TPM4: variants seen among roughly 807,000 people sequenced by gnomAD.
TPM4 encodes the protein tropomyosin 4, also known as tropomyosin alpha-4 chain.
Under a neutral mutation model 35.8 loss-of-function variants are expected in TPM4, and 17 were observed. The observed-to-expected ratio is 0.47, with a 90% CI of 0.32 to 0.71. The LOEUF (loss-of-function observed/expected upper bound fraction) is 0.71. TPM4 is among the 30% of genes least tolerant of loss of function. TPM4 has a pLI of 0.03. For synonymous variants in TPM4, 120 were observed against 122.9 expected, an observed-to-expected ratio of 0.98 and a Z score of 0.15; for missense variants, 240 against 320.9, an observed-to-expected ratio of 0.75 and a Z score of 1.93.
upstream of TPM4, chr19:16,076,262 A>G (rs2090403938): frequency 6.5e-7 from 1 of 1,533,784 alleles, no homozygotes; most frequent in Admixed American, 2.3e-5. Flanking sequence ...GGGAGGAGGA[A>G]GAGGAGGAGG....
At chr19:16,093,641 C>T in intron 6 of TPM4, 43 bp downstream of exon 6, 1 of 1,614,206 alleles carries the variant, frequency 6.2e-7, no homozygotes, top group African/African-American at 1.3e-5. Context: ...TCTCCTGGGG[C>T]TGGTCTTGAA....
chr19:16,077,414 C>G (rs1323238639), intron 1 of TPM4: 1 of 152,186 alleles, frequency 6.6e-6, no homozygotes, highest in Non-Finnish European at 1.5e-5. Flanking sequence ...GCCCTGAACC[C>G]ACGATCGTTT....
At chr19:16,100,968 G>C (rs1462503885) in intron 7 of TPM4, 2 of 222,000 alleles carry the variant, frequency 9.0e-6, no homozygotes, top group African/African-American at 4.7e-5. Context: ...TCAAGAGCTC[G>C]AGACCAGCCT....
intron 1 of TPM4, chr19:16,081,204 C>T: frequency 2.5e-6 from 1 of 396,620 alleles, no homozygotes; most frequent in Non-Finnish European, 4.4e-6. Flanking sequence ...TTCTAAGAAT[C>T]TCACAGTGAG....
chr19:16,082,380 G>A (rs755258934), intron 2 of TPM4, among the ~76,000 whole-genome samples: 5 of 152,116 alleles, frequency 3.3e-5, no homozygotes, highest in Non-Finnish European at 5.9e-5. Context: ...CCATGGTGGC[G>A]GGCACCTGTA....
upstream of TPM4, among the ~76,000 whole-genome samples, chr19:16,073,179 A>AAAAAAC (rs1174132024): frequency 2.0e-5 from 3 of 152,144 alleles, no homozygotes; most frequent in South Asian, 2.1e-4. Context: ...TCCTATCTCA[A>AAAAAAC]AAAAACAAAA....
At chr19:16,101,238 T>C in intron 7 of TPM4, 26 bp from the exon 8 acceptor site, 2 of 1,531,390 alleles carry the variant, frequency 1.3e-6, no homozygotes, top group Non-Finnish European at 1.8e-6. Context: ...TAATTTATCT[T>C]TCCCCATACT....
In TPM4 at chr19:16,085,838, G is replaced by A. The variant is rs888210100; in HGVS notation, c.267-585G>A. Among the ~76,000 whole-genome samples the A allele has an allele frequency of 9.2e-5, 14 of 152,048 alleles. 1 individual carries two copies. The highest frequency in any genetic ancestry group is 2.4e-4 in the African/African-American group (10 of 41,394). ...AATCCCAGCACTCTGGGAGGTCAAG[G>A]CGGGCAGATCACTTGAGGTCAGGAG... On this transcript the variant is annotated intron_variant, in intron 2 of 7. Coordinates refer to ENST00000643579, the MANE Select transcript of TPM4 (RefSeq NM_003290.3).
intron 1 of TPM4, chr19:16,081,395 C>G (rs950586045): frequency 5.7e-6 from 1 of 175,430 alleles, no homozygotes; most frequent in Non-Finnish European, 1.0e-5. Flanking sequence ...CTGGGACACT[C>G]GCTTTTTTTT....
chr19:16,096,225 G>A (rs2090694339), intron 7 of TPM4, among the ~76,000 whole-genome samples: 1 of 152,004 alleles, frequency 6.6e-6, no homozygotes, highest in Admixed American at 6.6e-5. Flanking sequence ...CATCACGCCT[G>A]GCCATTTTTG....
rs1470921944 is a variant in TPM4 at position 16,086,610 on chromosome 19, C to T, written c.384+70C>T. On this transcript the variant is annotated intron_variant, in intron 3 of 7. Coordinates refer to ENST00000643579, the MANE Select transcript of TPM4 (RefSeq NM_003290.3). ...AATGCATCTGCTGAGATAGGGAGGA[C>T]ACCGGGGCCAACGAAAGGAAGCTCT... The T allele has an allele frequency of 8.2e-6, 11 of 1,339,748 alleles. No homozygotes were observed. In the East Asian group the frequency reaches 9.4e-5, roughly 11 times the overall value. 83.0% of individuals were successfully genotyped at this position (1,339,748 alleles called of 1,614,324 possible).
chr19:16,070,137 A>G lies in TPM4; in HGVS notation c.114+2399A>G, dbSNP rs1305388610. ...GGGGGTGTCCCTGCTAAAAGCCTGG[A>G]GGCCGGGGCAGGTGGGCTGCCCGTG... On this transcript the variant is annotated intron_variant, in intron 2 of 2. Coordinates refer to the TPM4 transcript ENST00000589897. The surrounding 1 kb of genome is among the most constrained non-coding windows in gnomAD (Gnocchi z 7.4). Among the ~76,000 whole-genome samples, 1 of 152,064 alleles carries G rather than the reference A, an allele frequency of 6.6e-6. No homozygotes were observed. The highest frequency in any genetic ancestry group is 1.5e-5 in the Non-Finnish European group (1 of 67,990).
At chr19:16,085,469 G>A (rs1039621222) in intron 2 of TPM4, among the ~76,000 whole-genome samples, 3 of 152,004 alleles carry the variant, frequency 2.0e-5, no homozygotes, top group Admixed American at 6.6e-5. Context: ...AGGAGGCCGA[G>A]GCAACAGGAT....
chr19:16,068,636 C>T (rs1299495563), intron 2 of TPM4, among the ~76,000 whole-genome samples: 3 of 152,090 alleles, frequency 2.0e-5, no homozygotes, highest in African/African-American at 7.2e-5. Flanking sequence ...CATTTCTGCA[C>T]ATGTCTGTGT....
intron 7 of TPM4, among the ~76,000 whole-genome samples, chr19:16,097,839 ACT>A (rs2090718483): frequency 6.6e-6 from 1 of 151,382 alleles, no homozygotes; most frequent in East Asian, 1.9e-4. Context: ...TGTCCCCATT[ACT>A]CTCTCTATTC....
At chr19:16,097,192 G>C (rs1422360447) in intron 7 of TPM4, among the ~76,000 whole-genome samples, 1 of 151,726 alleles carries the variant, frequency 6.6e-6, no homozygotes, top group Non-Finnish European at 1.5e-5. Context: ...GGCCTCAACT[G>C]ATCCGCCCAC....
intron 1 of TPM4, 128 bp downstream of exon 1, chr19:16,076,825 G>A (rs2090413691): frequency 7.9e-7 from 1 of 1,261,972 alleles, no homozygotes; most frequent in Non-Finnish European, 1.0e-6. Context: ...CTCGGACGCC[G>A]ATCGCCGACC....
chr19:16,088,929 C>T (rs2090591748), intron 4 of TPM4, 116 bp from the exon 5 acceptor site: 2 of 1,538,332 alleles, frequency 1.3e-6, no homozygotes, highest in Non-Finnish European at 1.7e-6. Flanking sequence ...TTCCTTCTGC[C>T]CCCCACCGGG....
intron 5 of TPM4, among the ~76,000 whole-genome samples, chr19:16,092,826 G>T (rs943193759): frequency 2.2e-4 from 33 of 152,002 alleles, no homozygotes; most frequent in African/African-American, 7.3e-4. Context: ...GTGAGCCACC[G>T]TGCCTGGCCT....
Sources: allele counts gnomAD v4.1 joint callset (sites outside exome capture counted in the v4.1 genomes callset), GRCh38; gene constraint gnomAD v4.1.1; non-coding constraint Gnocchi (gnomAD v3.1); transcripts MANE v1.5; gene names NCBI Gene and HGNC (gene_info 2026-07-23, HGNC 2026-07-21).